SOX5: variants seen among roughly 807,000 people sequenced by gnomAD.
SOX5 encodes SRY-box transcription factor 5.
Under a neutral mutation model 92.0 loss-of-function variants are expected in SOX5, and 9 were observed. That is an observed-to-expected ratio of 0.10 (90% CI 0.06 to 0.17). SOX5 has a LOEUF of 0.17. SOX5 is among the 10% of genes least tolerant of loss of function. The pLI is 1.00. For synonymous variants in SOX5, 344 were observed against 336.3 expected, an observed-to-expected ratio of 1.02 and a Z score of -0.25; for missense variants, 642 against 944.5, an observed-to-expected ratio of 0.68 and a Z score of 4.20.
intron 1 of SOX5, among the ~76,000 whole-genome samples, chr12:24,541,953 A>G (rs1402903032): frequency 6.6e-6 from 1 of 152,236 alleles, no homozygotes; most frequent in African/African-American, 2.4e-5. Flanking sequence ...TTTCAGAATA[A>G]GGACAACATT....
intron 7 of SOX5, among the ~76,000 whole-genome samples, chr12:23,664,322 C>CATATATATATATATATATATATAT (rs34331621): frequency 2.0e-5 from 3 of 150,086 alleles, no homozygotes; most frequent in African/African-American, 7.3e-5. Context: ...AATTCATTAA[C>CATATATATATATATATATATATAT]ATATATATAT....
At chr12:24,491,743 C>A (rs1947099788) in intron 1 of SOX5, among the ~76,000 whole-genome samples, 1 of 152,030 alleles carries the variant, frequency 6.6e-6, no homozygotes, top group South Asian at 2.1e-4. Flanking sequence ...ACCAGTGCAC[C>A]AAAAGTATGT....
At chr12:23,838,574 ATAAATACTACCTCTGTATTTTCTC>A (rs1321493649) in intron 3 of SOX5, among the ~76,000 whole-genome samples, 4 of 152,218 alleles carry the variant, frequency 2.6e-5, no homozygotes, top group African/African-American at 9.6e-5. Context: ...CCAATCTTTC[ATAAATACTACCTCTGTATTTTCTC>A]TTTGTCTTTA....
At chr12:23,677,328 T>C (rs11047043) in intron 6 of SOX5, among the ~76,000 whole-genome samples, 48,620 of 152,042 alleles carry the variant, frequency 0.32, 7,972 homozygotes, top group East Asian at 0.53. Context: ...ATTTACGTGT[T>C]CTTTAAGATA....
chr12:23,604,424 G>A lies in SOX5; in HGVS notation c.1127C>T (p.Thr376Ile), dbSNP rs1410978182. The stretch of plus-strand genomic sequence containing the variant: ...TGGTGGGCTGTTTGTGCTCTTGTCT[G>A]TGTGAATGCTGGTAGGAGATACAGC... ...GAAVSPTSIHTDKSTNSPPPK... is the reference protein window; with the variant it reads ...GAAVSPTSIHIDKSTNSPPPK... Residue 376 changes from threonine to isoleucine, a missense_variant, in exon 9 of 15, where the codon ACA becomes ATA. By Grantham distance (89) the Thr-to-Ile change is moderately conservative (BLOSUM62 -1). Transcript: ENST00000451604. 1 of 1,613,684 alleles carries A rather than the reference G, an allele frequency of 6.2e-7. No homozygotes were observed. Among genetic ancestry groups the A allele is most frequent in the Non-Finnish European group, 8.5e-7 (1 of 1,179,786 alleles).
chr12:23,948,406 T>C (rs1337184964), intron 1 of SOX5, among the ~76,000 whole-genome samples: 2 of 152,130 alleles, frequency 1.3e-5, no homozygotes, highest in African/African-American at 4.8e-5. Flanking sequence ...TTAATCTTTG[T>C]CCTTTCTTTT....
intron 8 of SOX5, among the ~76,000 whole-genome samples, chr12:23,621,601 G>A (rs1324512244): frequency 6.6e-6 from 1 of 152,026 alleles, no homozygotes; most frequent in Non-Finnish European, 1.5e-5. Flanking sequence ...AAGAGAACAG[G>A]TGCAAAGGGG....
chr12:23,650,949 CA>C (rs1308488377), intron 7 of SOX5, among the ~76,000 whole-genome samples: 5 of 151,888 alleles, frequency 3.3e-5, no homozygotes, highest in African/African-American at 1.2e-4. Context: ...GCAAATAAAT[CA>C]ATGAAGGAGA....
At chr12:24,152,688 A>G (rs1029084024) in intron 4 of SOX5, among the ~76,000 whole-genome samples, 7 of 152,158 alleles carry the variant, frequency 4.6e-5, no homozygotes, top group Non-Finnish European at 8.8e-5. Context: ...TTTGAAAAAA[A>G]AATCATCTTA....
At chr12:24,540,047 A>G (rs763058631) in intron 1 of SOX5, among the ~76,000 whole-genome samples, 3 of 152,140 alleles carry the variant, frequency 2.0e-5, no homozygotes, top group Non-Finnish European at 4.4e-5. Flanking sequence ...TGACATAAAA[A>G]TTAATATGCA....
At chr12:24,214,389 A>G (rs1958999019) in intron 3 of SOX5, among the ~76,000 whole-genome samples, 1 of 152,094 alleles carries the variant, frequency 6.6e-6, no homozygotes, top group Non-Finnish European at 1.5e-5. Context: ...ATGGCTTCAT[A>G]AGCTTGTCAT....
chr12:24,284,762 G>A (rs1046682085), intron 2 of SOX5, among the ~76,000 whole-genome samples: 2 of 152,134 alleles, frequency 1.3e-5, no homozygotes, highest in Non-Finnish European at 2.9e-5. Flanking sequence ...TGTTCCTGAA[G>A]CCTAGGTTGC....
At chr12:24,303,121 C>G (rs1948173235) in intron 2 of SOX5, among the ~76,000 whole-genome samples, 1 of 152,108 alleles carries the variant, frequency 6.6e-6, no homozygotes, top group Non-Finnish European at 1.5e-5. Flanking sequence ...AAGAAACTTT[C>G]AGCACAACAC....
At chr12:24,124,092 G>C (rs1948878105) in intron 4 of SOX5, among the ~76,000 whole-genome samples, 1 of 152,142 alleles carries the variant, frequency 6.6e-6, no homozygotes, top group South Asian at 2.1e-4. Flanking sequence ...AATACAATAT[G>C]CTATTTTTCT....
intron 9 of SOX5, among the ~76,000 whole-genome samples, chr12:23,593,692 T>C (rs985557469): frequency 2.0e-5 from 3 of 152,160 alleles, no homozygotes; most frequent in African/African-American, 7.2e-5. Flanking sequence ...GATATAATTT[T>C]TTTTACCAAG....
chr12:23,842,553 A>G (rs1568262184), intron 3 of SOX5, among the ~76,000 whole-genome samples: 1 of 152,168 alleles, frequency 6.6e-6, no homozygotes, highest in Non-Finnish European at 1.5e-5. Context: ...ATATTCTCCA[A>G]TAAAAGGAAC....
intron 1 of SOX5, among the ~76,000 whole-genome samples, chr12:24,375,489 C>A (rs1957168065): frequency 6.6e-6 from 1 of 151,812 alleles, no homozygotes; most frequent in South Asian, 2.1e-4. Flanking sequence ...AATCTTAGCA[C>A]TTTGGGAGAC....
chr12:24,045,684 T>C (rs917632253), intron 4 of SOX5, among the ~76,000 whole-genome samples: 1 of 152,202 alleles, frequency 6.6e-6, no homozygotes. Flanking sequence ...CCCATGGCTA[T>C]TTGTAAATTT....
intron 4 of SOX5, among the ~76,000 whole-genome samples, chr12:24,202,995 C>T (rs1181219421): frequency 1.3e-5 from 2 of 152,104 alleles, no homozygotes; most frequent in African/African-American, 4.8e-5. Context: ...ATTTAGCATC[C>T]ATTTGATGAT....
Sources: gnomAD v4.1 joint callset for allele counts (sites outside exome capture counted in the v4.1 genomes callset) on GRCh38, gnomAD v4.1.1 for gene constraint, MANE v1.5 for transcripts, NCBI Gene and HGNC (gene_info 2026-07-23, HGNC 2026-07-21) for gene names.